The following ZCCHC24 variants were observed in gnomAD, a reference collection of about 807,000 sequenced individuals.
The protein encoded by ZCCHC24 is zinc finger CCHC domain-containing protein 24.
In ZCCHC24, 10 loss-of-function variants were observed where a neutral mutation model predicts 26.2. The observed-to-expected ratio is 0.38, with a 90% confidence interval of 0.24 to 0.65. The LOEUF (loss-of-function observed/expected upper bound fraction) is 0.65, where lower values mean the gene tolerates loss of function less well. Ranked by LOEUF, ZCCHC24 falls within the 30% of genes least tolerant of loss-of-function variation. ZCCHC24 has a pLI of 0.54. For synonymous variants in ZCCHC24, 144 were observed against 147.1 expected (o/e 0.98, Z 0.15); for missense variants, 243 against 329.1 (o/e 0.74, Z 2.03).
At chr10:79,409,685 T>C (rs1422238158) in intron 2 of ZCCHC24, among the ~76,000 whole-genome samples, 3 of 152,204 alleles carry the variant, frequency 2.0e-5, no homozygotes, top group Non-Finnish European at 4.4e-5. Context: ...GCAAGCATGC[T>C]GGTCGCTGTT....
intron 2 of ZCCHC24, among the ~76,000 whole-genome samples, chr10:79,410,684 A>T (rs570650897): frequency 6.7e-6 from 1 of 149,934 alleles, no homozygotes; most frequent in South Asian, 2.1e-4. Flanking sequence ...AAAATGCGAA[A>T]GTCTGCCTGG....
At chr10:79,405,221 A>G (rs1332896630) in intron 2 of ZCCHC24, among the ~76,000 whole-genome samples, 1 of 144,584 alleles carries the variant, frequency 6.9e-6, no homozygotes, top group African/African-American at 2.9e-5. Context: ...TGCCAAACTC[A>G]GAGATTTCAC....
intron 2 of ZCCHC24, among the ~76,000 whole-genome samples, chr10:79,411,394 G>A (rs1008737873): frequency 1.2e-4 from 18 of 152,130 alleles, no homozygotes; most frequent in Non-Finnish European, 2.5e-4. Context: ...CACAGGCCAC[G>A]GTGGCAGGCC....
At chr10:79,411,415 C>T (rs1856789836) in intron 2 of ZCCHC24, among the ~76,000 whole-genome samples, 1 of 152,146 alleles carries the variant, frequency 6.6e-6, no homozygotes, top group African/African-American at 2.4e-5. Flanking sequence ...AGGGCTTTCC[C>T]CACTGTTCCA....
At chr10:79,399,040 C>A (rs1234701240) in intron 2 of ZCCHC24, among the ~76,000 whole-genome samples, 2 of 49,090 alleles carry the variant, frequency 4.1e-5, no homozygotes, top group African/African-American at 1.2e-4. Flanking sequence ...TGGGGAGAGA[C>A]CCCCTAGCAG....
intron 2 of ZCCHC24, among the ~76,000 whole-genome samples, chr10:79,404,534 A>T (rs1217040921): frequency 1.3e-5 from 2 of 152,162 alleles, no homozygotes; most frequent in South Asian, 2.1e-4. Flanking sequence ...TAGTGGGTGG[A>T]TGGAAGATCT....
At chr10:79,440,738 A>G (rs948888249) in intron 1 of ZCCHC24, among the ~76,000 whole-genome samples, 4 of 152,190 alleles carry the variant, frequency 2.6e-5, no homozygotes, top group Non-Finnish European at 5.9e-5. Context: ...CTGTTCCACT[A>G]GGGCCATCTC....
At chr10:79,408,480 T>G (rs570745657) in intron 2 of ZCCHC24, among the ~76,000 whole-genome samples, 3 of 152,122 alleles carry the variant, frequency 2.0e-5, no homozygotes, top group Non-Finnish European at 2.9e-5. Context: ...CCACGTGCAT[T>G]TACTTCCTTT....
chr10:79,398,684 C>T (rs1005330186), intron 2 of ZCCHC24, among the ~76,000 whole-genome samples: 1 of 152,158 alleles, frequency 6.6e-6, no homozygotes, highest in Non-Finnish European at 1.5e-5. Context: ...GGAAGGACCA[C>T]GCTGCAGAAG....
chr10:79,433,639 CA>C (rs1007369204), intron 1 of ZCCHC24, among the ~76,000 whole-genome samples: 6 of 152,368 alleles, frequency 3.9e-5, no homozygotes, highest in African/African-American at 1.4e-4. Flanking sequence ...GGAGGGTCAA[CA>C]ACAAATCTGG....
At chr10:79,390,155 G>A (rs1470484215) in intron 3 of ZCCHC24, among the ~76,000 whole-genome samples, 1 of 152,186 alleles carries the variant, frequency 6.6e-6, no homozygotes, top group East Asian at 1.9e-4. Flanking sequence ...ACAGGTATGA[G>A]CCACTGTGCC....
At chr10:79,390,944 T>C (rs547744410) in intron 3 of ZCCHC24, among the ~76,000 whole-genome samples, 1 of 152,268 alleles carries the variant, frequency 6.6e-6, no homozygotes, top group South Asian at 2.1e-4. Context: ...CGCTGGGCTC[T>C]TCAAAGGCTC....
At chr10:79,407,181 G>T (rs1463701655) in intron 2 of ZCCHC24, among the ~76,000 whole-genome samples, 1 of 152,242 alleles carries the variant, frequency 6.6e-6, no homozygotes, top group Non-Finnish European at 1.5e-5. Context: ...GTCTGAGACA[G>T]CGCCTTTAAA....
intron 2 of ZCCHC24, among the ~76,000 whole-genome samples, chr10:79,426,132 G>A (rs1857023222): frequency 6.6e-6 from 1 of 152,188 alleles, no homozygotes; most frequent in Non-Finnish European, 1.5e-5. Flanking sequence ...CTGAGCTCTG[G>A]ACACCTCTAT....
At chr10:79,425,634 A>G (rs999632502) in intron 2 of ZCCHC24, among the ~76,000 whole-genome samples, 1 of 152,074 alleles carries the variant, frequency 6.6e-6, no homozygotes, top group African/African-American at 2.4e-5. Context: ...TGGGCAAGTC[A>G]CTCCACTTCT....
intron 2 of ZCCHC24, chr10:79,403,290 C>G: frequency 1.5e-6 from 1 of 680,832 alleles, no homozygotes; most frequent in Non-Finnish European, 1.8e-6. Context: ...ACTCTTAACC[C>G]TAATGACGGA....
chr10:79,442,650 G>A (rs1157240186), intron 1 of ZCCHC24, among the ~76,000 whole-genome samples: 3 of 152,230 alleles, frequency 2.0e-5, no homozygotes. Flanking sequence ...GAATGGTGAT[G>A]CTCCTGGGCC....
Position 79,386,161 on chromosome 10 carries a change from C to T in ZCCHC24, c.*184G>A. On this transcript the variant is annotated 3_prime_UTR_variant, in exon 4 of 4. Coordinates refer to ENST00000372336, the MANE Select transcript of ZCCHC24 (RefSeq NM_153367.4). ...GCTTTCCCTGGCCTGTGGGGGGCAG[C>T]AATGTCAGTAACACTGTTTGTCAAC... 1.6e-6 allele frequency: 1 copy of T among 615,198 alleles called. No individual in the cohort carries two copies. Among genetic ancestry groups the T allele is most frequent in the Non-Finnish European group, 3.0e-6 (1 of 334,260 alleles). 38.1% of individuals were successfully genotyped at this position (615,198 alleles called of 1,614,324 possible).
chr10:79,443,372 G>C (rs1490973096), intron 1 of ZCCHC24, among the ~76,000 whole-genome samples: 1 of 152,198 alleles, frequency 6.6e-6, no homozygotes, highest in Non-Finnish European at 1.5e-5. Flanking sequence ...GAGACCCACA[G>C]GTGGGGAACA....
Sources: allele counts gnomAD v4.1 joint callset (sites outside exome capture counted in the v4.1 genomes callset), GRCh38; gene constraint gnomAD v4.1.1; transcripts MANE v1.5; gene names NCBI Gene and HGNC (gene_info 2026-07-23, HGNC 2026-07-21).